Variants in NEGR1 observed in about 807,000 individuals in gnomAD.
The protein encoded by NEGR1 is IgLON family member 4.
A neutral mutation model predicts 40.9 loss-of-function variants in NEGR1; 10 were observed. The ratio of observed to expected loss-of-function variants is 0.24; its 90% CI spans 0.15 to 0.42. The LOEUF (loss-of-function observed/expected upper bound fraction) is 0.42, where lower values mean the gene tolerates loss of function less well. NEGR1 is among the 10% of genes least tolerant of loss of function. NEGR1 has a pLI of 1.00. For synonymous variants in NEGR1, 185 were observed against 166.8 expected (o/e 1.11, Z -0.84); for missense variants, 352 against 438.9 (o/e 0.80, Z 1.77).
intron 1 of NEGR1, among the ~76,000 whole-genome samples, chr1:71,938,410 GTT>G (rs571760372): frequency 0.23 from 24,988 of 109,772 alleles, 2,147 homozygotes; most frequent in Admixed American, 0.35. Context: ...ATGTGTAGGT[GTT>G]TTTTTTTTTT....
intron 4 of NEGR1, among the ~76,000 whole-genome samples, chr1:71,696,045 T>C (rs1474459618): frequency 6.6e-6 from 1 of 151,810 alleles, no homozygotes. Flanking sequence ...ACTACTTCTA[T>C]TGCTATGAGT....
intron 1 of NEGR1, among the ~76,000 whole-genome samples, chr1:71,974,759 G>T (rs1412139492): frequency 6.6e-6 from 1 of 152,052 alleles, no homozygotes; most frequent in African/African-American, 2.4e-5. Flanking sequence ...TCAGAGATTA[G>T]CAACTCTTGT....
intron 6 of NEGR1, among the ~76,000 whole-genome samples, chr1:71,467,127 A>C (rs910955303): frequency 6.6e-6 from 1 of 152,048 alleles, no homozygotes; most frequent in Non-Finnish European, 1.5e-5. Context: ...AAATAAAACA[A>C]AATTGGCCTA....
chr1:71,974,589 A>G (rs796658730), intron 1 of NEGR1, among the ~76,000 whole-genome samples: 5 of 152,308 alleles, frequency 3.3e-5, no homozygotes, highest in African/African-American at 1.2e-4. Context: ...TAATAGTGGT[A>G]TATCCTAATC....
At chr1:72,221,923 G>A (rs1654026071) in intron 1 of NEGR1, among the ~76,000 whole-genome samples, 2 of 151,998 alleles carry the variant, frequency 1.3e-5, no homozygotes, top group Non-Finnish European at 2.9e-5. Context: ...ATAAAGCCAA[G>A]ACCCACAGAT....
intron 4 of NEGR1, among the ~76,000 whole-genome samples, chr1:71,637,044 A>T (rs1651177757): frequency 6.6e-6 from 1 of 152,026 alleles, no homozygotes; most frequent in Admixed American, 6.6e-5. Context: ...ACAGATGTTT[A>T]TTCTAGTTCT....
intron 6 of NEGR1, among the ~76,000 whole-genome samples, chr1:71,551,376 T>C (rs1648071861): frequency 1.3e-5 from 2 of 151,604 alleles, no homozygotes; most frequent in South Asian, 4.1e-4. Context: ...TTCGAAGGCA[T>C]ATTCAGACAG....
intron 6 of NEGR1, among the ~76,000 whole-genome samples, chr1:71,580,077 A>G (rs966530458): frequency 1.3e-5 from 2 of 152,116 alleles, no homozygotes; most frequent in Non-Finnish European, 2.9e-5. Context: ...ACAATGATAG[A>G]CTGGATTAAG....
At chr1:71,582,534 T>G (rs1173023080) in intron 6 of NEGR1, among the ~76,000 whole-genome samples, 1 of 152,202 alleles carries the variant, frequency 6.6e-6, no homozygotes, top group African/African-American at 2.4e-5. Context: ...TAATTTTCAT[T>G]TCCTCTAAAT....
chr1:72,135,375 C>CAAAAAAAAAAAAAAAAAAAAAAAAAA, intron 1 of NEGR1, among the ~76,000 whole-genome samples: 1 of 71,384 alleles, frequency 1.4e-5, no homozygotes, highest in Non-Finnish European at 2.6e-5. Flanking sequence ...GACTCCGTCT[C>CAAAAAAAAAAAAAAAAAAAAAAAAAA]AAAAAAAAAA....
chr1:72,080,395 G>A (rs1177454161), intron 1 of NEGR1, among the ~76,000 whole-genome samples: 1 of 151,706 alleles, frequency 6.6e-6, no homozygotes. Context: ...TGATTTTTAT[G>A]TTCTTGGACA....
At chr1:71,635,768 G>A (rs1651127179) in intron 4 of NEGR1, among the ~76,000 whole-genome samples, 1 of 152,002 alleles carries the variant, frequency 6.6e-6, no homozygotes, top group Non-Finnish European at 1.5e-5. Context: ...GAGAAAGCTA[G>A]CCTGGGGTTA....
intron 1 of NEGR1, among the ~76,000 whole-genome samples, chr1:71,983,986 T>A (rs959164395): frequency 6.7e-6 from 1 of 148,218 alleles, no homozygotes; most frequent in Non-Finnish European, 1.5e-5. Flanking sequence ...GTCTCAAAAC[T>A]TTCATTAATC....
chr1:71,477,654 A>C (rs769758391), intron 6 of NEGR1, among the ~76,000 whole-genome samples: 5 of 152,022 alleles, frequency 3.3e-5, no homozygotes, highest in Non-Finnish European at 7.4e-5. Context: ...GCTGTGGTTG[A>C]TGTTAGATGG....
intron 3 of NEGR1, among the ~76,000 whole-genome samples, chr1:71,749,224 A>G (rs1021002935): frequency 6.6e-5 from 10 of 152,192 alleles, no homozygotes; most frequent in Non-Finnish European, 1.2e-4. Context: ...GAGGTATCAC[A>G]ATTTTTCACA....
At chr1:72,199,145 A>ACAGG (rs1653106888) in intron 1 of NEGR1, among the ~76,000 whole-genome samples, 1 of 139,644 alleles carries the variant, frequency 7.2e-6, no homozygotes, top group African/African-American at 2.8e-5. Flanking sequence ...ATCTAGATAG[A>ACAGG]CAGACAGAGA....
At chr1:72,226,685 C>A (rs536701852) in intron 1 of NEGR1, among the ~76,000 whole-genome samples, 3 of 151,940 alleles carry the variant, frequency 2.0e-5, no homozygotes, top group Non-Finnish European at 4.4e-5. Flanking sequence ...GTATGTTCCT[C>A]AAATATTATT....
chr1:71,831,676 A>G (rs1658844356), intron 2 of NEGR1, among the ~76,000 whole-genome samples: 1 of 151,938 alleles, frequency 6.6e-6, no homozygotes, highest in Non-Finnish European at 1.5e-5. Context: ...AGTGGATGCT[A>G]CAAAAACACA....
intron 2 of NEGR1, among the ~76,000 whole-genome samples, chr1:71,870,989 C>T (rs1046072603): frequency 1.3e-5 from 2 of 152,254 alleles, no homozygotes; most frequent in South Asian, 2.1e-4. Context: ...AGCTTTCATA[C>T]GAATACCTGG....
Sources: gnomAD v4.1 joint callset for allele counts (sites outside exome capture counted in the v4.1 genomes callset) on GRCh38, gnomAD v4.1.1 for gene constraint, MANE v1.5 for transcripts, NCBI Gene and HGNC (gene_info 2026-07-23, HGNC 2026-07-21) for gene names.